Variants in POF1B observed in about 807,000 individuals in gnomAD.
POF1B encodes the protein protein POF1B.
A neutral mutation model predicts 55.3 loss-of-function variants in POF1B; 53 were observed. The ratio of observed to expected loss-of-function variants is 0.96; its 90% confidence interval spans 0.77 to 1.20. POF1B has a LOEUF of 1.20. Among genes scored for constraint, POF1B ranks in the 50% most tolerant of loss-of-function variants. The probability of loss-of-function intolerance (pLI) is 0.00; values close to 1 mark genes in which losing one functional copy is unlikely to be tolerated. For missense variants in POF1B, 478 were observed against 420.5 expected, an observed-to-expected ratio of 1.14 and a Z score of -1.20; for synonymous variants, 188 against 148.3, an observed-to-expected ratio of 1.27 and a Z score of -1.95.
intron 6 of POF1B, among the ~76,000 whole-genome samples, chrX:85,331,827 A>G (rs989727253): frequency 9.9e-5 from 11 of 111,329 alleles, no homozygotes; most frequent in African/African-American, 2.9e-4. Flanking sequence ...GCTCCCCCAT[A>G]TAAGTGAGAA....
rs377237007 is a variant in POF1B at position 85,279,408 on chromosome X, A to T, written c.*13T>A. The T allele has an allele frequency of 4.6e-5, 54 of 1,184,926 alleles. No individual in the cohort carries two copies. Among genetic ancestry groups the T allele is most frequent in the Non-Finnish European group, 6.2e-5 (54 of 875,440 alleles). Reference sequence around the variant, plus strand: ...AAACGGCTTTGAGTTGTAATACTTTAAAGTGGATCCATTCATGGCTAGAAA... The same window carrying T: ...AAACGGCTTTGAGTTGTAATACTTTTAAGTGGATCCATTCATGGCTAGAAA... On this transcript the variant is annotated 3_prime_UTR_variant, in exon 17 of 17. Transcript: ENST00000262753.
At chrX:85,291,816 T>A (rs1659949892) in intron 15 of POF1B, among the ~76,000 whole-genome samples, 1 of 111,268 alleles carries the variant, frequency 9.0e-6, no homozygotes, top group South Asian at 3.8e-4. Flanking sequence ...TTAAGAAACT[T>A]TTGGACTGAG....
intron 2 of POF1B, among the ~76,000 whole-genome samples, chrX:85,374,880 G>A (rs914720367): frequency 8.9e-6 from 1 of 112,044 alleles, no homozygotes; most frequent in Non-Finnish European, 1.9e-5. Context: ...TATATAGCAA[G>A]AAACATGTTA....
intron 10 of POF1B, 39 bp from the exon 11 acceptor site, chrX:85,307,315 A>G (rs1252311990): frequency 1.1e-6 from 1 of 924,822 alleles, no homozygotes; most frequent in South Asian, 2.4e-5. Context: ...CAGAATTGCA[A>G]AAACTTAACA....
intron 5 of POF1B, among the ~76,000 whole-genome samples, chrX:85,347,286 T>G (rs1172350367): frequency 9.0e-6 from 1 of 111,426 alleles, no homozygotes; most frequent in East Asian, 2.8e-4. Context: ...TATATCCTTT[T>G]GACTATGGAA....
chrX:85,300,655 A>T (rs1049386063), intron 15 of POF1B, among the ~76,000 whole-genome samples: 1 of 111,918 alleles, frequency 8.9e-6, no homozygotes, highest in Non-Finnish European at 1.9e-5. Context: ...ATTATAAGAC[A>T]TGCAAAGAAA....
At chrX:85,338,036 C>T (rs1933106339) in intron 6 of POF1B, among the ~76,000 whole-genome samples, 1 of 111,566 alleles carries the variant, frequency 9.0e-6, no homozygotes, top group Non-Finnish European at 1.9e-5. Flanking sequence ...ATAAGACTCT[C>T]AGCTGCCTGG....
At chrX:85,313,507 T>G (rs966309486) in intron 9 of POF1B, among the ~76,000 whole-genome samples, 2 of 112,294 alleles carry the variant, frequency 1.8e-5, no homozygotes, top group Non-Finnish European at 3.8e-5. Context: ...GAATCAGCCT[T>G]GCATTCCAGC....
At chrX:85,303,186 C>T (rs144648707) in intron 15 of POF1B, among the ~76,000 whole-genome samples, 2,567 of 111,008 alleles carry the variant, frequency 0.023, 36 homozygotes, top group Non-Finnish European at 0.039. Flanking sequence ...TTTTTCACTT[C>T]CAAGGTAATT....
intron 16 of POF1B, among the ~76,000 whole-genome samples, chrX:85,280,662 T>G (rs373430243): frequency 3.6e-5 from 4 of 111,098 alleles, no homozygotes; most frequent in African/African-American, 1.3e-4. Flanking sequence ...TCATAAGAAG[T>G]CAAAGGCTGT....
At chrX:85,320,451 G>A (rs899962507) in intron 7 of POF1B, among the ~76,000 whole-genome samples, 5 of 110,565 alleles carry the variant, frequency 4.5e-5, no homozygotes. Flanking sequence ...AGTGTGTAGA[G>A]GGAAATTTAT....
chrX:85,366,475 T>A (rs963349619), intron 3 of POF1B, among the ~76,000 whole-genome samples: 2 of 111,823 alleles, frequency 1.8e-5, no homozygotes, highest in Non-Finnish European at 3.8e-5. Context: ...TTAATAGTTC[T>A]AAAATTTACT....
intron 15 of POF1B, among the ~76,000 whole-genome samples, chrX:85,298,527 C>T (rs1312262564): frequency 9.0e-6 from 1 of 111,583 alleles, no homozygotes; most frequent in African/African-American, 3.3e-5. Context: ...CAGCTTTCTC[C>T]CTATTCAGCC....
chrX:85,314,657 C>T (rs1169801225), intron 8 of POF1B, 151 bp from the exon 9 acceptor site: 1 of 306,046 alleles, frequency 3.3e-6, no homozygotes, highest in Non-Finnish European at 5.6e-6. Context: ...TAATTTATAG[C>T]CTTATCAGTT....
chrX:85,361,077 T>G (rs1406320537), intron 3 of POF1B, among the ~76,000 whole-genome samples: 1 of 111,603 alleles, frequency 9.0e-6, no homozygotes, highest in East Asian at 2.8e-4. Flanking sequence ...TCGGGTTGTT[T>G]GCTTTTCTCT....
At chrX:85,332,114 C>T (rs1932989415) in intron 6 of POF1B, among the ~76,000 whole-genome samples, 1 of 111,664 alleles carries the variant, frequency 9.0e-6, no homozygotes, top group Non-Finnish European at 1.9e-5. Context: ...ATTATACTGA[C>T]TATAGAGGAA....
intron 15 of POF1B, among the ~76,000 whole-genome samples, chrX:85,299,678 T>G (rs1335567804): frequency 1.9e-5 from 2 of 105,129 alleles, no homozygotes; most frequent in East Asian, 5.9e-4. Flanking sequence ...CTAATTTTTT[T>G]TTTGTATTTT....
intron 5 of POF1B, among the ~76,000 whole-genome samples, chrX:85,348,271 G>A (rs1933309278): frequency 9.0e-6 from 1 of 110,671 alleles, no homozygotes; most frequent in Admixed American, 9.7e-5. Flanking sequence ...AAAGCAAAAT[G>A]TTCATATATT....
intron 16 of POF1B, among the ~76,000 whole-genome samples, chrX:85,279,759 C>T (rs1331828701): frequency 1.8e-5 from 2 of 111,066 alleles, no homozygotes; most frequent in East Asian, 5.7e-4. Flanking sequence ...TATATTCTGA[C>T]CTTGCTATCA....
Sources: gnomAD v4.1 joint callset for allele counts (sites outside exome capture counted in the v4.1 genomes callset) on GRCh38, gnomAD v4.1.1 for gene constraint, MANE v1.5 for transcripts, NCBI Gene and HGNC (gene_info 2026-07-23, HGNC 2026-07-21) for gene names.